Variants in DNAJC1 observed in about 807,000 individuals in gnomAD.
The protein encoded by DNAJC1 is dnaJ homolog subfamily C member 1.
Under a neutral mutation model 76.6 loss-of-function variants are expected in DNAJC1, and 58 were observed. The ratio of observed to expected loss-of-function variants is 0.76; its 90% CI spans 0.61 to 0.94. DNAJC1 has a LOEUF of 0.94. DNAJC1 is among the 40% of genes least tolerant of loss of function. DNAJC1 has a pLI of 0.00. For synonymous variants in DNAJC1, 258 were observed against 267.9 expected (o/e 0.96, Z 0.36); for missense variants, 689 against 677.3 (o/e 1.02, Z -0.19).
At chr10:21,847,270 T>C (rs1835674827) in intron 8 of DNAJC1, among the ~76,000 whole-genome samples, 1 of 152,200 alleles carries the variant, frequency 6.6e-6, no homozygotes, top group Non-Finnish European at 1.5e-5. Context: ...GCAATTTTTG[T>C]GACTCCAAAA....
intron 8 of DNAJC1, among the ~76,000 whole-genome samples, chr10:21,872,063 G>A (rs928932561): frequency 1.3e-5 from 2 of 148,682 alleles, no homozygotes; most frequent in East Asian, 2.0e-4. Flanking sequence ...TAGACAAAAC[G>A]TTAAATCATC....
chr10:21,928,935 C>G (rs539534821), intron 2 of DNAJC1, 105 bp downstream of exon 2: 23 of 672,924 alleles, frequency 3.4e-5, no homozygotes, highest in Non-Finnish European at 2.7e-5. Context: ...TAAACTACTA[C>G]CTCATTTTCA....
intron 8 of DNAJC1, among the ~76,000 whole-genome samples, chr10:21,858,505 G>A (rs891301887): frequency 3.3e-5 from 5 of 152,138 alleles, no homozygotes; most frequent in African/African-American, 1.2e-4. Context: ...GTAAGACAAG[G>A]TTTCATGGAA....
At chr10:21,854,734 AATT>A (rs1213119627) in intron 8 of DNAJC1, among the ~76,000 whole-genome samples, 1 of 152,182 alleles carries the variant, frequency 6.6e-6, no homozygotes, top group Non-Finnish European at 1.5e-5. Flanking sequence ...AGCAGCCATT[AATT>A]ATAAGATACA....
chr10:21,801,906 A>G (rs1834818990), intron 9 of DNAJC1, among the ~76,000 whole-genome samples: 1 of 152,124 alleles, frequency 6.6e-6, no homozygotes, highest in Admixed American at 6.6e-5. Context: ...ACCAAATACC[A>G]CATGTTCTCA....
chr10:21,915,755 A>G (rs961381983), intron 6 of DNAJC1, among the ~76,000 whole-genome samples: 6 of 152,094 alleles, frequency 3.9e-5, no homozygotes, highest in African/African-American at 1.4e-4. Flanking sequence ...AATTGTTTCT[A>G]TGAAAACCAA....
intron 10 of DNAJC1, among the ~76,000 whole-genome samples, chr10:21,763,713 T>G (rs1341736760): frequency 6.6e-6 from 1 of 152,198 alleles, no homozygotes. Context: ...TAGGAAATAT[T>G]CCCATGGTTG....
chr10:21,908,888 C>CT (rs748853189), intron 6 of DNAJC1, among the ~76,000 whole-genome samples: 59 of 146,014 alleles, frequency 4.0e-4, no homozygotes, highest in Admixed American at 6.1e-4. Context: ...AAATTTCTTT[C>CT]TTTTTTTTTT....
intron 1 of DNAJC1, among the ~76,000 whole-genome samples, chr10:21,984,622 G>C (rs1253842529): frequency 1.3e-5 from 2 of 152,146 alleles, no homozygotes; most frequent in Non-Finnish European, 2.9e-5. Context: ...CTACTAAAAG[G>C]AGAATGGATA....
chr10:21,781,554 T>C (rs1165493944), intron 9 of DNAJC1, among the ~76,000 whole-genome samples: 4 of 151,830 alleles, frequency 2.6e-5, no homozygotes, highest in African/African-American at 9.7e-5. Context: ...ACCCCGTCTC[T>C]ACTAAAAATA....
At chr10:21,862,671 CAA>C (rs1456242445) in intron 8 of DNAJC1, among the ~76,000 whole-genome samples, 117 of 151,522 alleles carry the variant, frequency 7.7e-4, no homozygotes, top group African/African-American at 2.8e-3. Context: ...TCAGGTGATC[CAA>C]CTGCCTCAGC....
chr10:21,881,260 T>G (rs1168804802), intron 8 of DNAJC1, among the ~76,000 whole-genome samples: 2 of 152,348 alleles, frequency 1.3e-5, no homozygotes, highest in East Asian at 3.9e-4. Flanking sequence ...GCAATAAGGT[T>G]GTTTTGCTTG....
intron 6 of DNAJC1, among the ~76,000 whole-genome samples, chr10:21,905,958 G>A (rs528257336): frequency 6.6e-6 from 1 of 152,172 alleles, no homozygotes; most frequent in South Asian, 2.1e-4. Context: ...ACACTACTTT[G>A]ACTCAGATGT....
intron 1 of DNAJC1, among the ~76,000 whole-genome samples, chr10:21,933,628 CACAGTCTACTGGCAAACACTGGA>C (rs1273434174): frequency 6.6e-6 from 1 of 152,168 alleles, no homozygotes; most frequent in Non-Finnish European, 1.5e-5. Flanking sequence ...CCAAGATATA[CACAGTCTACTGGCAAACACTGGA>C]ACTATATATA....
At chr10:21,948,729 G>A (rs1837547258) in intron 1 of DNAJC1, among the ~76,000 whole-genome samples, 1 of 152,124 alleles carries the variant, frequency 6.6e-6, no homozygotes, top group African/African-American at 2.4e-5. Context: ...AAAAAACATA[G>A]TTTCAGCCAT....
chr10:21,943,209 A>G (rs189680848), intron 1 of DNAJC1, among the ~76,000 whole-genome samples: 1 of 152,224 alleles, frequency 6.6e-6, no homozygotes, highest in East Asian at 1.9e-4. Flanking sequence ...CCAAGAAAAC[A>G]GAAAAAGAAC....
intron 9 of DNAJC1, among the ~76,000 whole-genome samples, chr10:21,774,527 C>T (rs115432460): frequency 0.035 from 5,307 of 152,234 alleles, 159 homozygotes; most frequent in African/African-American, 0.068. Context: ...TAGACTGGAG[C>T]GCAGTGGCGC....
rs748800443 is a variant in DNAJC1 at position 21,766,361 on chromosome 10, G to A, written c.1099-52C>T. 8 of 1,397,604 alleles carry A rather than the reference G, an allele frequency of 5.7e-6. No individual in the cohort carries two copies. The South Asian group carries it at 6.9e-5, about 12-fold the overall frequency. The allele number at this position is 1,397,604 out of a possible 1,614,324, so 86.6% of individuals were successfully genotyped here. ...CTTACTTTCCATGTACCTACTATAT[G>A]CTGAGTGAAACGATTCCATGTAAGC... is the stretch of plus-strand genomic sequence containing the variant. On this transcript the variant is annotated intron_variant, in intron 9 of 11. Coordinates refer to ENST00000376980, the MANE Select transcript of DNAJC1 (RefSeq NM_022365.4).
rs150646274 is a variant in DNAJC1 at position 21,874,654 on chromosome 10, T to C, written c.978+7628A>G. Among the ~76,000 whole-genome samples, 383 of 152,260 alleles carry C rather than the reference T, an allele frequency of 2.5e-3. 1 individual carries two copies. Among genetic ancestry groups the C allele is most frequent in the Non-Finnish European group, 4.0e-3 (271 of 68,012 alleles). ...AGATCAGAGAATTGCTAACTGCTAA[T>C]AGATATGGTTTTATTTTATTTTCTG... On this transcript the variant is annotated intron_variant, in intron 8 of 11. Transcript: ENST00000376980.
Sources: allele counts gnomAD v4.1 joint callset (sites outside exome capture counted in the v4.1 genomes callset), GRCh38; gene constraint gnomAD v4.1.1; transcripts MANE v1.5; gene names NCBI Gene and HGNC (gene_info 2026-07-23, HGNC 2026-07-21).